Variants in TRDN observed in about 807,000 individuals in gnomAD.
The protein encoded by TRDN is triadin, also known as triadin in skeletal muscle.
Under a neutral mutation model 149.7 loss-of-function variants are expected in TRDN, and 161 were observed. The ratio of observed to expected loss-of-function variants is 1.08; its 90% CI spans 0.95 to 1.23. TRDN has a LOEUF of 1.23. Among genes scored for constraint, TRDN ranks in the 50% most tolerant of loss-of-function variants. The pLI is 0.00. For synonymous variants in TRDN, 294 were observed against 250.5 expected (o/e 1.17, Z -1.64); for missense variants, 896 against 823.5 (o/e 1.09, Z -1.08).
rs548581489 is a variant in TRDN at position 123,418,058 on chromosome 6, T to TC, written c.1051+20004_1051+20005insG. Among the ~76,000 whole-genome samples, 299 of 152,286 alleles carry TC rather than the reference T, an allele frequency of 2.0e-3. 2 individuals carry two copies. Among genetic ancestry groups the TC allele is most frequent in the African/African-American group, 6.9e-3 (285 of 41,574 alleles). The stretch of plus-strand genomic sequence containing the variant: ...AATTACTCATCCAGGACTGGGTAAG[T>TC]ATAACACACAAATGAAAGTGGGATT... On this transcript the variant is annotated intron_variant, in intron 12 of 40. Coordinates refer to ENST00000334268, the MANE Select transcript of TRDN (RefSeq NM_006073.4).
At chr6:123,381,177 A>C (rs565733624) in intron 16 of TRDN, among the ~76,000 whole-genome samples, 193 bp downstream of exon 16, 1 of 152,198 alleles carries the variant, frequency 6.6e-6, no homozygotes, top group South Asian at 2.1e-4. Flanking sequence ...AGAGTTCTAA[A>C]AATGATTACT....
intron 38 of TRDN, among the ~76,000 whole-genome samples, chr6:123,247,435 A>G (rs903153997): frequency 6.6e-6 from 1 of 152,210 alleles, no homozygotes; most frequent in African/African-American, 2.4e-5. Context: ...AAAAATCACA[A>G]GAATTCCTAT....
intron 24 of TRDN, among the ~76,000 whole-genome samples, chr6:123,302,634 C>CA (rs201273035): frequency 0.027 from 4,168 of 151,944 alleles, 82 homozygotes; most frequent in Middle Eastern, 0.051. Flanking sequence ...ACTGAAAAGT[C>CA]AAAAAAATAG....
rs538956718 is a variant in TRDN at position 123,624,043 on chromosome 6, T to C, written c.22+12711A>G. Among the ~76,000 whole-genome samples the C allele has an allele frequency of 9.9e-5, 15 of 152,232 alleles. No homozygotes were observed. The South Asian group carries it at 2.7e-3, about 27-fold the overall frequency. Reference sequence around the variant, plus strand: ...AGTTACATATACAATTATCTCATCATTTCTTGAGGACTAGATTTCTGTATA... The same window carrying C: ...AGTTACATATACAATTATCTCATCACTTCTTGAGGACTAGATTTCTGTATA... On this transcript the variant is annotated intron_variant, in intron 1 of 40. Coordinates refer to ENST00000334268, the MANE Select transcript of TRDN (RefSeq NM_006073.4).
At chr6:123,597,191 C>T (rs1784076734) in intron 1 of TRDN, among the ~76,000 whole-genome samples, 1 of 152,134 alleles carries the variant, frequency 6.6e-6, no homozygotes, top group Admixed American at 6.6e-5. Flanking sequence ...CCCTCATGAT[C>T]ACTTTAAGGG....
At chr6:123,278,917 T>A (rs1368091962) in intron 25 of TRDN, 139 bp downstream of exon 25, 2 of 668,642 alleles carry the variant, frequency 3.0e-6, no homozygotes, top group Non-Finnish European at 4.6e-6. Context: ...GAGTACATTG[T>A]CTACACAAAA....
intron 13 of TRDN, among the ~76,000 whole-genome samples, chr6:123,390,471 C>T (rs2114450298): frequency 1.3e-5 from 2 of 152,218 alleles, no homozygotes; most frequent in South Asian, 4.1e-4. Flanking sequence ...TTTTCAGCGA[C>T]AATGGAGATA....
chr6:123,419,566 G>A (rs1773807618), intron 12 of TRDN, among the ~76,000 whole-genome samples: 1 of 151,956 alleles, frequency 6.6e-6, no homozygotes, highest in Non-Finnish European at 1.5e-5. Context: ...TAGACAGGGG[G>A]CGGGTCTCAC....
Position 123,386,815 on chromosome 6 carries a change from T to C in TRDN, c.1135+1707A>G, listed in dbSNP as rs535560411. On this transcript the variant is annotated intron_variant, in intron 14 of 40. Transcript: ENST00000334268. ...TTTGTTTGGGCTTCATCCTTTTTGG[T>C]GTGTGGGGCAACAACCTTGGAGAGC... Among the ~76,000 whole-genome samples the C allele has an allele frequency of 2.2e-4, 33 of 152,246 alleles. No homozygotes were observed. The Middle Eastern group carries it at 0.017, about 78-fold the overall frequency.
At chr6:123,510,665 A>C (rs1193761020) in intron 7 of TRDN, among the ~76,000 whole-genome samples, 1 of 146,042 alleles carries the variant, frequency 6.8e-6, no homozygotes, top group South Asian at 2.1e-4. Context: ...TTTTTTATTT[A>C]GACAGTCTCA....
intron 12 of TRDN, among the ~76,000 whole-genome samples, chr6:123,409,720 A>C (rs1181503058): frequency 7.2e-6 from 1 of 138,682 alleles, no homozygotes; most frequent in Admixed American, 7.3e-5. Context: ...CACACACCCA[A>C]AACTCAGAGT....
At chr6:123,426,463 A>G (rs1415209664) in intron 12 of TRDN, among the ~76,000 whole-genome samples, 1 of 152,166 alleles carries the variant, frequency 6.6e-6, no homozygotes, top group Non-Finnish European at 1.5e-5. Flanking sequence ...GTGGAGCAAT[A>G]GTAAGTAGTA....
chr6:123,249,597 C>A (rs181903822), intron 38 of TRDN, among the ~76,000 whole-genome samples: 18 of 152,100 alleles, frequency 1.2e-4, no homozygotes, highest in Admixed American at 7.9e-4. Context: ...TACTATGAAG[C>A]CATAAAAAAC....
At chr6:123,276,296 T>C (rs1777364299) in intron 26 of TRDN, among the ~76,000 whole-genome samples, 1 of 152,126 alleles carries the variant, frequency 6.6e-6, no homozygotes, top group Non-Finnish European at 1.5e-5. Context: ...GAGGAACATG[T>C]TATTGGCCAC....
chr6:123,402,500 T>C (rs975745356), intron 12 of TRDN, among the ~76,000 whole-genome samples: 2 of 152,226 alleles, frequency 1.3e-5, no homozygotes, highest in Non-Finnish European at 2.9e-5. Context: ...AAGGTTTTAT[T>C]TTAATAAACC....
intron 24 of TRDN, among the ~76,000 whole-genome samples, chr6:123,306,822 A>C (rs1382643186): frequency 6.6e-6 from 1 of 152,098 alleles, no homozygotes; most frequent in Non-Finnish European, 1.5e-5. Context: ...TGAAATTTAG[A>C]AAATTGTCTT....
At chr6:123,370,910 T>C (rs796143568) in intron 19 of TRDN, among the ~76,000 whole-genome samples, 8 of 136,036 alleles carry the variant, frequency 5.9e-5, no homozygotes, top group African/African-American at 1.9e-4. Flanking sequence ...TCAAGGTCTT[T>C]GTCTTTTTTT....
intron 14 of TRDN, among the ~76,000 whole-genome samples, chr6:123,387,553 A>G (rs534970188): frequency 6.6e-6 from 1 of 152,222 alleles, no homozygotes; most frequent in South Asian, 2.1e-4. Context: ...GTCTCACTCA[A>G]GTGAGAACGA....
chr6:123,592,950 A>G (rs1170114659), intron 1 of TRDN, among the ~76,000 whole-genome samples: 1 of 152,198 alleles, frequency 6.6e-6, no homozygotes, highest in Non-Finnish European at 1.5e-5. Context: ...TCTGATAACA[A>G]CAGGGATACA....
Sources: gnomAD v4.1 joint callset for allele counts (sites outside exome capture counted in the v4.1 genomes callset) on GRCh38, gnomAD v4.1.1 for gene constraint, MANE v1.5 for transcripts, NCBI Gene and HGNC (gene_info 2026-07-23, HGNC 2026-07-21) for gene names.